ZC3H18: variants seen among roughly 807,000 people sequenced by gnomAD.
The protein encoded by ZC3H18 is zinc finger CCCH domain-containing protein 18.
Under a neutral mutation model 106.1 loss-of-function variants are expected in ZC3H18, and 8 were observed. The observed-to-expected ratio is 0.08, with a 90% CI of 0.04 to 0.14. The LOEUF (loss-of-function observed/expected upper bound fraction) is 0.14. Ranked by LOEUF, ZC3H18 falls within the 10% of genes least tolerant of loss-of-function variation. The pLI, the probability that ZC3H18 is intolerant of heterozygous loss-of-function variation, is 1.00. For missense variants in ZC3H18, 1,318 were observed against 1,278.4 expected (o/e 1.03, Z -0.47); for synonymous variants, 635 against 522.1 (o/e 1.22, Z -2.95).
intron 2 of ZC3H18, among the ~76,000 whole-genome samples, chr16:88,583,839 G>A (rs1343319132): frequency 6.6e-6 from 1 of 152,070 alleles, no homozygotes; most frequent in Admixed American, 6.5e-5. Context: ...TAGCTAGCTG[G>A]TCCACTCAGG....
chr16:88,577,290 G>A lies in ZC3H18; in HGVS notation c.167G>A (p.Arg56Lys), dbSNP rs999890397. Residue 56 changes from arginine to lysine, a missense_variant, in exon 2 of 18, where the codon AGG becomes AAG. Arg to Lys is a conservative substitution (Grantham distance 26, BLOSUM62 2). Transcript: ENST00000301011. ...SDLEDEESAARGPSQEEEDNH... is the reference protein window; with the variant it reads ...SDLEDEESAAKGPSQEEEDNH... ...CTGGAGGATGAGGAAAGTGCAGCCA[G>A]GGGGCCGAGCCAGGAGGAGGAAGAT... 2.5e-6 allele frequency: 4 copies of A among 1,612,918 alleles called. No individual in the cohort carries two copies. The highest frequency in any genetic ancestry group is 3.4e-6 in the Non-Finnish European group (4 of 1,179,452).
chr16:88,580,532 C>T lies in ZC3H18; in HGVS notation c.603+2806C>T, dbSNP rs972254625. ...TCCTGTGCATGAAGAGCTGCCGCTC[C>T]GGCTGCTTCCAGCTTTTTCCTCCTC... is the stretch of plus-strand genomic sequence containing the variant. On this transcript the variant is annotated intron_variant, in intron 2 of 17. Transcript: ENST00000301011. Among the ~76,000 whole-genome samples, 2 of 152,118 alleles carry T rather than the reference C, an allele frequency of 1.3e-5. 1 individual carries two copies. Among genetic ancestry groups the T allele is most frequent in the South Asian group, 4.1e-4 (2 of 4,830 alleles).
chr16:88,590,273 C>T (rs535928890), intron 3 of ZC3H18, among the ~76,000 whole-genome samples: 7 of 152,142 alleles, frequency 4.6e-5, no homozygotes, highest in African/African-American at 1.7e-4. Flanking sequence ...ATCTCCGACA[C>T]GTTGTGATAT....
intron 2 of ZC3H18, among the ~76,000 whole-genome samples, chr16:88,585,826 A>G (rs1915399946): frequency 6.6e-6 from 1 of 151,808 alleles, no homozygotes; most frequent in Non-Finnish European, 1.5e-5. Context: ...GACCGGTGAG[A>G]TTGGTTACGC....
chr16:88,577,691 G>A lies in ZC3H18; in HGVS notation c.568G>A (p.Asp190Asn), dbSNP rs1914851336. 6.2e-7 allele frequency: 1 copy of A among 1,613,780 alleles called. No homozygotes were observed. The highest frequency in any genetic ancestry group is 8.5e-7 in the Non-Finnish European group (1 of 1,180,032). ...GGCTGCCAAGGAGAAAAAGAAAGAGGACGATGATGGAGAAATCGATGATGG... is the reference window on the plus strand; with the variant it reads ...GGCTGCCAAGGAGAAAAAGAAAGAGAACGATGATGGAGAAATCGATGATGG... ...LEAAKEKKKE[D>N]DDGEIDDGEI... The change falls in exon 2 of 18, where the codon GAC (aspartate) becomes AAC (asparagine). Residue 190 changes from aspartate (D) to asparagine (N), a missense_variant. Asp to Asn is a conservative substitution (Grantham distance 23). Transcript: ENST00000301011.
chr16:88,615,834 C>T (rs565463361), intron 8 of ZC3H18, among the ~76,000 whole-genome samples: 2 of 152,338 alleles, frequency 1.3e-5, no homozygotes, highest in African/African-American at 4.8e-5. Flanking sequence ...CAGCCGGGGG[C>T]TCTTCCCAGT....
chr16:88,591,691 C>G (rs1915760860), intron 3 of ZC3H18, among the ~76,000 whole-genome samples: 1 of 152,220 alleles, frequency 6.6e-6, no homozygotes, highest in African/African-American at 2.4e-5. Flanking sequence ...GTGAATAGAG[C>G]TGCTGTGAAC....
chr16:88,601,636 G>A (rs750301163), intron 6 of ZC3H18, among the ~76,000 whole-genome samples: 6 of 152,114 alleles, frequency 3.9e-5, no homozygotes, highest in Non-Finnish European at 8.8e-5. Context: ...CCCAGGAGCC[G>A]GTATCTACAC....
chr16:88,602,999 C>T (rs1409452837), intron 6 of ZC3H18, among the ~76,000 whole-genome samples: 3 of 151,336 alleles, frequency 2.0e-5, no homozygotes, highest in Non-Finnish European at 4.4e-5. Context: ...GAGTCTCGCT[C>T]TGTCACCCAG....
Position 88,623,207 on chromosome 16 carries a change from C to T in ZC3H18, c.1668-12C>T, listed in dbSNP as rs201184532. 1,987 of 1,610,972 alleles carry T rather than the reference C, an allele frequency of 1.2e-3. 4 individuals are homozygous for T. The highest frequency in any genetic ancestry group is 2.4e-3 in the Admixed American group (144 of 59,916). On this transcript the variant is annotated splice_polypyrimidine_tract_variant and intron_variant, in intron 9 of 17. Coordinates refer to ENST00000301011, the MANE Select transcript of ZC3H18 (RefSeq NM_144604.4). The stretch of plus-strand genomic sequence containing the variant: ...TCTCACTTCTCGCCACGCTCCGTCC[C>T]GCCCGCCCCAGGTCGTCTTCGCGGT...
At chr16:88,613,163 C>T (rs894287445) in intron 8 of ZC3H18, among the ~76,000 whole-genome samples, 27 of 152,354 alleles carry the variant, frequency 1.8e-4, no homozygotes, top group Middle Eastern at 6.8e-3. Flanking sequence ...CTGGCCTCTT[C>T]TACTCCGAGC....
At chr16:88,609,198 C>T (rs1451152065) in intron 7 of ZC3H18, 147 bp downstream of exon 7, 30 of 520,482 alleles carry the variant, frequency 5.8e-5, no homozygotes, top group Middle Eastern at 1.1e-3. Context: ...TTGATTGTTA[C>T]GGAGAACGAA....
chr16:88,603,254 C>T (rs1904842841), intron 6 of ZC3H18, among the ~76,000 whole-genome samples: 1 of 151,834 alleles, frequency 6.6e-6, no homozygotes, highest in Admixed American at 6.6e-5. Flanking sequence ...GCGTGAGCCA[C>T]CGCACCTGGC....
chr16:88,598,224 G>A lies in ZC3H18; in HGVS notation c.735G>A (p.Val245=), dbSNP rs774971897. Reference sequence around the variant, plus strand: ...ATTGTAGGTTTATACACCCTGGAGTGAACGACAAGGGGAACTACTCCCTAA... The same window carrying A: ...ATTGTAGGTTTATACACCCTGGAGTAAACGACAAGGGGAACTACTCCCTAA... ...GMNCRFIHPG[V]NDKGNYSLIT... The change falls in exon 4 of 18, where the codon GTG becomes GTA. Residue 245 remains valine, a synonymous_variant. Transcript: ENST00000301011. 6.2e-7 allele frequency: 1 copy of A among 1,613,760 alleles called. No individual in the cohort carries two copies. Among genetic ancestry groups the A allele is most frequent in the South Asian group, 1.1e-5 (1 of 91,038 alleles).
intron 3 of ZC3H18, among the ~76,000 whole-genome samples, chr16:88,593,567 G>A (rs558563653): frequency 9.2e-5 from 14 of 152,338 alleles, no homozygotes; most frequent in African/African-American, 2.2e-4. Flanking sequence ...AGTACTCAGC[G>A]TGGTGGAGTG....
chr16:88,573,901 T>G (rs1914567740), intron 1 of ZC3H18, among the ~76,000 whole-genome samples: 1 of 151,972 alleles, frequency 6.6e-6, no homozygotes, highest in Admixed American at 6.6e-5. Context: ...AGACGGAGTT[T>G]TGCTCTTTTT....
At chr16:88,591,077 TCTC>T (rs1915723470) in intron 3 of ZC3H18, among the ~76,000 whole-genome samples, 1 of 151,650 alleles carries the variant, frequency 6.6e-6, no homozygotes, top group African/African-American at 2.4e-5. Context: ...TTCACGCCAT[TCTC>T]CTGCCTCAGC....
chr16:88,623,245 C>G lies in ZC3H18; in HGVS notation c.1694C>G (p.Ser565Cys). 1 of 1,613,578 alleles carries G rather than the reference C, an allele frequency of 6.2e-7. No individual in the cohort carries two copies. The highest frequency in any genetic ancestry group is 8.5e-7 in the Non-Finnish European group (1 of 1,179,974). The change falls in exon 10 of 18, where the codon TCT becomes TGT. Residue 565 changes from serine to cysteine, a missense_variant. Physicochemically the swap from Ser to Cys is moderately radical, Grantham distance 112. This residue lies in a region of ZC3H18 where 848 missense variants were observed against 821.7 expected (regional missense o/e 1.03). Transcript: ENST00000301011. Reference sequence around the variant, plus strand: ...TCGTCTTCGCGGTCATCGTCCTACTCTGGCTCCGGCTCCTCCCGGTCGCGA... The same window carrying G: ...TCGTCTTCGCGGTCATCGTCCTACTGTGGCTCCGGCTCCTCCCGGTCGCGA... ...SRSSSRSSSY[S>C]GSGSSRSRSR...
At position 88,612,495 on chromosome 16, in the gene ZC3H18, C is replaced by A. The variant is rs148737140; in HGVS notation, c.1475+959C>A. On this transcript the variant is annotated intron_variant, in intron 8 of 17. Transcript: ENST00000301011. Reference sequence around the variant, plus strand: ...CCTGGGTAGCAAAGCAAGACTCCATCTCTATTTAAAAAAAAAAAAAAAAAA... The same window carrying A: ...CCTGGGTAGCAAAGCAAGACTCCATATCTATTTAAAAAAAAAAAAAAAAAA... 2.9e-3 allele frequency among the ~76,000 whole-genome samples: 431 copies of A among 146,594 alleles called. 4 individuals carry two copies. Among genetic ancestry groups the A allele is most frequent in the African/African-American group, 0.01 (409 of 39,366 alleles).
Sources: gnomAD v4.1 joint callset for allele counts (sites outside exome capture counted in the v4.1 genomes callset) on GRCh38, gnomAD v4.1.1 for gene constraint, gnomAD v4.1.1 regional missense constraint, MANE v1.5 for transcripts, NCBI Gene and HGNC (gene_info 2026-07-23, HGNC 2026-07-21) for gene names.